The following CELF2 variants were observed in gnomAD, a reference collection of about 807,000 sequenced individuals.
The protein encoded by CELF2 is CUG triplet repeat RNA-binding protein 2.
Under a neutral mutation model 62.6 loss-of-function variants are expected in CELF2, and 8 were observed. The ratio of observed to expected loss-of-function variants is 0.13; its 90% CI spans 0.07 to 0.23. The LOEUF (loss-of-function observed/expected upper bound fraction) is 0.23. Ranked by LOEUF, CELF2 falls within the 10% of genes least tolerant of loss-of-function variation. The pLI, the probability that CELF2 is intolerant of heterozygous loss-of-function variation, is 1.00. For missense variants in CELF2, 333 were observed against 671.0 expected (o/e 0.50, Z 5.56); for synonymous variants, 258 against 250.0 (o/e 1.03, Z -0.30).
At chr10:10,749,459 A>T in the CELF2 span, among the ~76,000 whole-genome samples, 1 of 152,230 alleles carries the variant, frequency 6.6e-6, no homozygotes, top group East Asian at 1.9e-4. Context: ...ATCAGCCAAC[A>T]ATGTCTACTA....
chr10:10,738,396 G>A, the CELF2 span, among the ~76,000 whole-genome samples: 1 of 152,186 alleles, frequency 6.6e-6, no homozygotes, highest in Non-Finnish European at 1.5e-5. Flanking sequence ...TGGCAAAAGA[G>A]TGACTTGACA....
the CELF2 span, among the ~76,000 whole-genome samples, chr10:10,517,224 A>AG: frequency 6.6e-6 from 1 of 152,250 alleles, no homozygotes; most frequent in Admixed American, 6.5e-5. Flanking sequence ...CTATAGCTTG[A>AG]GGGGGACTCA....
the CELF2 span, among the ~76,000 whole-genome samples, chr10:10,742,620 T>G: frequency 6.6e-6 from 1 of 150,686 alleles, no homozygotes; most frequent in Admixed American, 6.6e-5. Flanking sequence ...ACATTTTTAC[T>G]CAGGTGAAAT....
intron 1 of CELF2, among the ~76,000 whole-genome samples, chr10:11,116,445 G>A (rs190150907): frequency 2.5e-4 from 38 of 152,288 alleles, no homozygotes; most frequent in South Asian, 1.2e-3. Context: ...TAATTTACAC[G>A]TATGAGAAGT....
At chr10:10,948,785 G>T (rs993379823) in intron 2 of CELF2, among the ~76,000 whole-genome samples, 1 of 152,008 alleles carries the variant, frequency 6.6e-6, no homozygotes, top group South Asian at 2.1e-4. Context: ...ATGTTTTTAC[G>T]TTCTAAATCT....
chr10:10,880,676 A>C (rs1224111309), intron 1 of CELF2, among the ~76,000 whole-genome samples: 1 of 152,192 alleles, frequency 6.6e-6, no homozygotes, highest in Non-Finnish European at 1.5e-5. Context: ...AGGACCAAGC[A>C]ACTAGGCCAA....
At chr10:11,112,189 G>A (rs926074087) in intron 1 of CELF2, among the ~76,000 whole-genome samples, 2 of 152,250 alleles carry the variant, frequency 1.3e-5, no homozygotes, top group African/African-American at 2.4e-5. Context: ...TACTGGGTGC[G>A]AATGTCTTTC....
intron 2 of CELF2, among the ~76,000 whole-genome samples, chr10:10,975,034 T>C (rs1453446112): frequency 2.0e-5 from 3 of 152,248 alleles, no homozygotes. Context: ...TTCAGGGATG[T>C]AGCCTCAGGA....
intron 2 of CELF2, among the ~76,000 whole-genome samples, chr10:10,958,332 C>T (rs1400361848): frequency 1.3e-5 from 2 of 152,124 alleles, no homozygotes; most frequent in Non-Finnish European, 2.9e-5. Flanking sequence ...GAATGAACCA[C>T]ATTTTAAAAG....
chr10:10,648,939 C>T, the CELF2 span, among the ~76,000 whole-genome samples: 2 of 152,186 alleles, frequency 1.3e-5, no homozygotes, highest in Non-Finnish European at 2.9e-5. Context: ...TATTACCCAT[C>T]TTCTCCCCTC....
chr10:11,015,669 G>A (rs2057158891), upstream of CELF2, among the ~76,000 whole-genome samples: 1 of 152,196 alleles, frequency 6.6e-6, no homozygotes. This position sits in a 1 kb window ranked among gnomAD's most constrained non-coding sequence, Gnocchi z 4.8. Flanking sequence ...AAATAAAGCA[G>A]TAACCTATGC....
chr10:11,211,675 G>A lies in CELF2; in HGVS notation c.272-5750G>A, dbSNP rs1047755393. Among the ~76,000 whole-genome samples the A allele has an allele frequency of 3.2e-4, 49 of 152,188 alleles. No individual in the cohort carries two copies. The highest frequency in any genetic ancestry group is 1.1e-3 in the African/African-American group (46 of 41,500). The stretch of plus-strand genomic sequence containing the variant: ...TTGTGATAATCCAGATGGTTTCTTT[G>A]AGGATAAATCTACTTGATCATTTAA... On this transcript the variant is annotated intron_variant, in intron 2 of 12. Transcript: ENST00000633077. This position sits in a 1 kb window ranked among gnomAD's most constrained non-coding sequence, Gnocchi z 4.8.
In CELF2 at chr10:11,242,474, G is replaced by A. The variant is rs958427572; in HGVS notation, c.355-6679G>A. On this transcript the variant is annotated intron_variant, in intron 3 of 12. Transcript: ENST00000633077. The surrounding 1 kb of genome is among the most constrained non-coding windows in gnomAD (Gnocchi z 4.8). ...AGAGGGCTTCAGAGAGCCCCACGAGGTTGTGTCCATAGTGGCGACTCTGGA... is the reference window on the plus strand; with the variant it reads ...AGAGGGCTTCAGAGAGCCCCACGAGATTGTGTCCATAGTGGCGACTCTGGA... Among the ~76,000 whole-genome samples the A allele has an allele frequency of 3.9e-5, 6 of 152,266 alleles. No individual in the cohort carries two copies. Among genetic ancestry groups the A allele is most frequent in the Middle Eastern group, 3.4e-3 (1 of 294 alleles).
chr10:11,019,019 T>C (rs1165402893), intron 1 of CELF2, among the ~76,000 whole-genome samples: 1 of 152,226 alleles, frequency 6.6e-6, no homozygotes, highest in Admixed American at 6.5e-5. Flanking sequence ...AATGTGATTC[T>C]GGTTGTTTTA....
chr10:11,276,563 T>C (rs909393976), intron 8 of CELF2, among the ~76,000 whole-genome samples: 2 of 152,192 alleles, frequency 1.3e-5, no homozygotes, highest in Non-Finnish European at 2.9e-5. Flanking sequence ...AACCTCCTGA[T>C]TGCAAGCTCT....
chr10:10,666,817 G>C, the CELF2 span, among the ~76,000 whole-genome samples: 3 of 72,714 alleles, frequency 4.1e-5, no homozygotes, highest in East Asian at 3.1e-4. Flanking sequence ...AGCCGAGATC[G>C]CGCCACTGCA....
intron 2 of CELF2, among the ~76,000 whole-genome samples, chr10:10,962,579 G>A (rs1237100143): frequency 6.6e-6 from 1 of 152,156 alleles, no homozygotes; most frequent in Non-Finnish European, 1.5e-5. Flanking sequence ...ATATTAACCA[G>A]GCATGGTGGT....
rs200231864 is a variant in CELF2, at chr10:10,950,837, A to G, written c.89+30838A>G. 1.4e-4 allele frequency among the ~76,000 whole-genome samples: 21 copies of G among 152,358 alleles called. No individual in the cohort carries two copies. In the East Asian group the frequency reaches 4.1e-3, roughly 29 times the overall value. On this transcript the variant is annotated intron_variant, in intron 2 of 13. Transcript: ENST00000636488. ...GCCTCTACTGCAAAATGCCTCTTGCAAAAAGTGTGTCATCCTTGGCATCTG... is the reference window on the plus strand; with the variant it reads ...GCCTCTACTGCAAAATGCCTCTTGCGAAAAGTGTGTCATCCTTGGCATCTG...
chr10:10,682,807 T>C, the CELF2 span, among the ~76,000 whole-genome samples: 1,387 of 152,280 alleles, frequency 9.1e-3, 23 homozygotes, highest in African/African-American at 0.032. Context: ...ACTAGGTGTT[T>C]TCTTGTGTTT....
Sources: gnomAD v4.1 joint callset for allele counts (sites outside exome capture counted in the v4.1 genomes callset) on GRCh38, gnomAD v4.1.1 for gene constraint, Gnocchi (gnomAD v3.1) non-coding constraint, MANE v1.5 for transcripts, NCBI Gene and HGNC (gene_info 2026-07-23, HGNC 2026-07-21) for gene names.